Variants in RCSD1 observed in about 807,000 individuals in gnomAD.
RCSD1 encodes RCSD domain containing 1.
RCSD1 carries 26 observed loss-of-function variants against 42.5 expected under a neutral mutation model. The ratio of observed to expected loss-of-function variants is 0.61; its 90% CI spans 0.45 to 0.85. RCSD1 has a LOEUF of 0.85. RCSD1 is among the 40% of genes least tolerant of loss of function. RCSD1 has a pLI of 0.00. For missense variants in RCSD1, 571 were observed against 528.3 expected (o/e 1.08, Z -0.79); for synonymous variants, 220 against 212.2 (o/e 1.04, Z -0.32).
chr1:167,684,028 T>G, intron 2 of RCSD1, 27 bp downstream of exon 2: 1 of 1,576,630 alleles, frequency 6.3e-7, no homozygotes, highest in Non-Finnish European at 8.7e-7. Flanking sequence ...CAGAGCAGCC[T>G]CTTCAGCAGC....
intron 1 of RCSD1, among the ~76,000 whole-genome samples, chr1:167,672,651 A>T (rs1658838565): frequency 1.3e-5 from 2 of 152,176 alleles, no homozygotes; most frequent in South Asian, 4.1e-4. Context: ...TTGTGATAAT[A>T]TGGGAGCCAC....
intron 3 of RCSD1, among the ~76,000 whole-genome samples, chr1:167,688,685 T>C (rs779742844): frequency 6.6e-6 from 1 of 152,212 alleles, no homozygotes; most frequent in African/African-American, 2.4e-5. Flanking sequence ...AGGAGTTCAG[T>C]TGGGTGAGCC....
At chr1:167,679,763 G>T (rs1029972472) in intron 1 of RCSD1, among the ~76,000 whole-genome samples, 1 of 152,218 alleles carries the variant, frequency 6.6e-6, no homozygotes, top group Non-Finnish European at 1.5e-5. Flanking sequence ...ATAGCCCAAA[G>T]GCTGGGAGAT....
intron 1 of RCSD1, among the ~76,000 whole-genome samples, chr1:167,645,515 A>G (rs742471): frequency 0.14 from 21,853 of 152,232 alleles, 2,024 homozygotes; most frequent in Non-Finnish European, 0.19. Context: ...GGGGAATTTC[A>G]CAGAGAAAGA....
chr1:167,652,714 T>A (rs957405988), intron 1 of RCSD1, among the ~76,000 whole-genome samples: 3 of 151,996 alleles, frequency 2.0e-5, no homozygotes, highest in African/African-American at 7.2e-5. Flanking sequence ...CATGGGGGAT[T>A]TTTTTTTAGC....
At chr1:167,687,279 C>T (rs982434544) in intron 3 of RCSD1, among the ~76,000 whole-genome samples, 5 of 152,192 alleles carry the variant, frequency 3.3e-5, no homozygotes, top group African/African-American at 4.8e-5. Context: ...AATCCCAGCA[C>T]TTTGAGAGGC....
chr1:167,646,218 G>T (rs1257711074), intron 1 of RCSD1, among the ~76,000 whole-genome samples: 2 of 152,162 alleles, frequency 1.3e-5, no homozygotes, highest in Admixed American at 6.5e-5. Context: ...AGGACACCCT[G>T]TTGGAAATTC....
chr1:167,667,273 C>T (rs1658683774), intron 1 of RCSD1, among the ~76,000 whole-genome samples: 1 of 152,144 alleles, frequency 6.6e-6, no homozygotes, highest in South Asian at 2.1e-4. Context: ...TTGGAAGGGG[C>T]TTGGAGGCAT....
At chr1:167,693,083 T>C (rs1408566083) in intron 4 of RCSD1, among the ~76,000 whole-genome samples, 1 of 152,216 alleles carries the variant, frequency 6.6e-6, no homozygotes, top group Non-Finnish European at 1.5e-5. Flanking sequence ...AGATCCAGTA[T>C]TTAAAGTCAG....
At chr1:167,636,882 T>C (rs753979498) in intron 1 of RCSD1, among the ~76,000 whole-genome samples, 5 of 152,132 alleles carry the variant, frequency 3.3e-5, no homozygotes, top group Non-Finnish European at 7.4e-5. Context: ...GCCTGGCCCA[T>C]GCACTAGGTT....
chr1:167,652,174 A>C (rs1394277142), intron 1 of RCSD1, among the ~76,000 whole-genome samples: 8 of 152,062 alleles, frequency 5.3e-5, no homozygotes, highest in Non-Finnish European at 2.9e-5. Flanking sequence ...GGCATGCACC[A>C]CCATGCCCGG....
At chr1:167,657,230 A>C (rs1290693149) in intron 1 of RCSD1, among the ~76,000 whole-genome samples, 2 of 152,220 alleles carry the variant, frequency 1.3e-5, no homozygotes, top group African/African-American at 2.4e-5. Flanking sequence ...TTGGAGATAC[A>C]ATCTGTTTAT....
chr1:167,640,898 A>T (rs147332739), intron 1 of RCSD1, among the ~76,000 whole-genome samples: 22 of 152,214 alleles, frequency 1.4e-4, no homozygotes, highest in African/African-American at 5.3e-4. Flanking sequence ...CCACTATCGC[A>T]GTCAACCTGC....
chr1:167,691,987 C>A (rs995936976), intron 4 of RCSD1, among the ~76,000 whole-genome samples: 1 of 152,152 alleles, frequency 6.6e-6, no homozygotes, highest in Non-Finnish European at 1.5e-5. Context: ...CCCACCCTAG[C>A]CCTCATTCAA....
intron 1 of RCSD1, among the ~76,000 whole-genome samples, chr1:167,677,548 T>A (rs1658981769): frequency 6.6e-6 from 1 of 152,220 alleles, no homozygotes; most frequent in Non-Finnish European, 1.5e-5. Context: ...GGAAGAAATT[T>A]TTAAAAGGTG....
Position 167,665,848 on chromosome 1 carries a change from G to A in RCSD1, c.7-18052G>A, listed in dbSNP as rs904591507. On this transcript the variant is annotated intron_variant, in intron 1 of 6. Coordinates refer to ENST00000367854, the MANE Select transcript of RCSD1 (RefSeq NM_052862.4). ...TTTTTTTGAGACAGAGTCTCACTCC[G>A]TTGCCCAGTCTGGAGTGCGGTGGCA... 1.3e-4 allele frequency among the ~76,000 whole-genome samples: 20 copies of A among 150,172 alleles called. 1 individual carries two copies. The highest frequency in any genetic ancestry group is 3.7e-4 in the African/African-American group (15 of 40,692).
In RCSD1 at chr1:167,644,215, C is replaced by G. The variant is rs886820757; in HGVS notation, c.6+13786C>G. ...TATGTTTTGGCTGGGCACGGTGGCT[C>G]ACGTCTGTAATTTCAGCACTTTGGG... On this transcript the variant is annotated intron_variant, in intron 1 of 6. Coordinates refer to ENST00000367854, the MANE Select transcript of RCSD1 (RefSeq NM_052862.4). 3.3e-5 allele frequency among the ~76,000 whole-genome samples: 5 copies of G among 152,242 alleles called. No individual in the cohort carries two copies. The East Asian group carries it at 9.6e-4, about 29-fold the overall frequency.
chr1:167,689,480 C>CAA (rs757551808), intron 3 of RCSD1, among the ~76,000 whole-genome samples: 47 of 82,938 alleles, frequency 5.7e-4, no homozygotes, highest in African/African-American at 2.3e-3. Context: ...GACTCTGTCT[C>CAA]AAAAAAAAAA....
At chr1:167,646,511 CTTTTTCT>C (rs1658151464) in intron 1 of RCSD1, among the ~76,000 whole-genome samples, 1 of 7,942 alleles carries the variant, frequency 1.3e-4, no homozygotes, top group Non-Finnish European at 2.2e-4. Context: ...AGTTTTTTTT[CTTTTTCT>C]TTTTCTTTTT....
Sources: gnomAD v4.1 joint callset for allele counts (sites outside exome capture counted in the v4.1 genomes callset) on GRCh38, gnomAD v4.1.1 for gene constraint, MANE v1.5 for transcripts, NCBI Gene and HGNC (gene_info 2026-07-23, HGNC 2026-07-21) for gene names.